TSN: variants seen among roughly 807,000 people sequenced by gnomAD.
The protein encoded by TSN is translin.
In TSN, 5 loss-of-function variants were observed where a neutral mutation model predicts 29.4. The observed-to-expected ratio is 0.17, with a 90% CI of 0.09 to 0.36. TSN has a LOEUF of 0.36. Ranked by LOEUF, TSN falls within the 10% of genes least tolerant of loss-of-function variation. TSN has a pLI of 1.00. For synonymous variants in TSN, 106 were observed against 102.2 expected (o/e 1.04, Z -0.23); for missense variants, 159 against 272.8 (o/e 0.58, Z 2.94).
intron 2 of TSN, 32 bp downstream of exon 2, chr2:121,757,365 T>C (rs755976955): frequency 1.2e-6 from 2 of 1,613,512 alleles, no homozygotes; most frequent in Non-Finnish European, 1.7e-6. Flanking sequence ...CAATTATCAG[T>C]CTCTTATTTA....
At position 121,761,484 on chromosome 2, in the gene TSN, A is replaced by G. The variant is rs1285197255; in HGVS notation, c.333A>G (p.Glu111=). The change falls in exon 4 of 6, where the codon GAA becomes GAG. Residue 111 remains glutamate (E), a synonymous_variant. Transcript: ENST00000389682. The part of the protein sequence containing the change: ...LAAFVVYLET[E]TLVTREAVTE... ...CATTTGTTGTGTATTTGGAAACAGA[A>G]ACACTAGTGACTCGAGAAGCAGTTA... is the stretch of plus-strand genomic sequence containing the variant. 3 of 1,614,136 alleles carry G rather than the reference A, an allele frequency of 1.9e-6. No homozygotes were observed. The highest frequency in any genetic ancestry group is 2.5e-6 in the Non-Finnish European group (3 of 1,180,006).
At chr2:121,760,860 CT>C (rs1330094411) in intron 3 of TSN, among the ~76,000 whole-genome samples, 2 of 144,864 alleles carry the variant, frequency 1.4e-5, no homozygotes, top group East Asian at 4.1e-4. Flanking sequence ...CTTCAGTTTT[CT>C]TTTTTCTGTC....
At chr2:121,757,164 C>A (rs537159581) in intron 1 of TSN, 76 bp from the exon 2 acceptor site, 15 of 1,292,780 alleles carry the variant, frequency 1.2e-5, no homozygotes, top group Non-Finnish European at 1.4e-5. Flanking sequence ...ATCACATAAG[C>A]TATCTAATGT....
At chr2:121,756,031 C>G (rs367574357) in intron 1 of TSN, 186 bp downstream of exon 1, 1 of 1,269,666 alleles carries the variant, frequency 7.9e-7, no homozygotes, top group Non-Finnish European at 1.1e-6. Flanking sequence ...TCCTGATTCC[C>G]CGTGTTCGAG....
In TSN at chr2:121,756,606, T is replaced by A. The variant is rs765354727; in HGVS notation, c.67-634T>A. 2.9e-5 allele frequency: 38 copies of A among 1,298,776 alleles called. 2 individuals are homozygous for A. The South Asian group carries it at 4.6e-4, about 16-fold the overall frequency. 80.5% of individuals were successfully genotyped at this position (1,298,776 alleles called of 1,614,324 possible). On this transcript the variant is annotated intron_variant, in intron 1 of 5. Transcript: ENST00000389682. ...GCACATAAGTATGCTCAGTGAATAT[T>A]TTAAAAATGAATTAGAGGCGGGGAG... is the stretch of plus-strand genomic sequence containing the variant.
rs770788288 is a variant in TSN at position 121,761,493 on chromosome 2, G to A, written c.342G>A (p.Val114=). 6.2e-7 allele frequency: 1 copy of A among 1,614,104 alleles called. No homozygotes were observed. Among genetic ancestry groups the A allele is most frequent in the South Asian group, 1.1e-5 (1 of 91,068 alleles). The stretch of plus-strand genomic sequence containing the variant: ...TGTATTTGGAAACAGAAACACTAGT[G>A]ACTCGAGAAGCAGTTACAGAAATTC... ...FVVYLETETL[V]TREAVTEILG... is the part of the protein sequence containing the mutation. Residue 114 remains valine, a synonymous_variant, in exon 4 of 6, where the codon GTG becomes GTA. Transcript: ENST00000389682.
At chr2:121,762,875 A>C in intron 4 of TSN, 130 bp from the exon 5 acceptor site, 1 of 802,122 alleles carries the variant, frequency 1.2e-6, no homozygotes, top group Non-Finnish European at 1.9e-6. Flanking sequence ...GGTTGTGAAT[A>C]TATTAAAAAG....
rs962990700 is a variant in TSN at position 121,764,093 on chromosome 2, A to G, written c.453+1009A>G. ...AGGACATTTCTTTGAAGTTGTACAC[A>G]CAACTTCTGTTAACATTCTGGTGCC... On this transcript the variant is annotated intron_variant, in intron 5 of 5. Coordinates refer to ENST00000389682, the MANE Select transcript of TSN (RefSeq NM_004622.3). Among the ~76,000 whole-genome samples the G allele has an allele frequency of 4.6e-5, 7 of 152,178 alleles. 1 individual carries two copies. The highest frequency in any genetic ancestry group is 1.2e-4 in the African/African-American group (5 of 41,446).
chr2:121,763,322 T>C (rs1434242007), intron 5 of TSN, among the ~76,000 whole-genome samples: 1 of 151,974 alleles, frequency 6.6e-6, no homozygotes, highest in Admixed American at 6.6e-5. Flanking sequence ...TTTTTTTGTA[T>C]TTTTAGTAGA....
intron 3 of TSN, 114 bp downstream of exon 3, chr2:121,758,920 AAG>A: frequency 4.6e-6 from 3 of 658,868 alleles, no homozygotes; most frequent in Non-Finnish European, 4.5e-6. Flanking sequence ...AAGTAACAAA[AAG>A]AGAAAAAACC....
Sources: gnomAD v4.1 joint callset for allele counts (sites outside exome capture counted in the v4.1 genomes callset) on GRCh38, gnomAD v4.1.1 for gene constraint, MANE v1.5 for transcripts, NCBI Gene and HGNC (gene_info 2026-07-23, HGNC 2026-07-21) for gene names.